Variants in TMEM94 observed in about 807,000 individuals in gnomAD.
TMEM94 encodes ER Mg2+ ATPase.
Under a neutral mutation model 158.6 loss-of-function variants are expected in TMEM94, and 81 were observed. The ratio of observed to expected loss-of-function variants is 0.51; its 90% CI spans 0.43 to 0.61. The LOEUF is 0.61. Among genes scored for constraint, TMEM94 ranks in the 20% least tolerant of loss-of-function variants. The pLI, the probability that TMEM94 is intolerant of heterozygous loss-of-function variation, is 0.00. For synonymous variants in TMEM94, 751 were observed against 730.7 expected (o/e 1.03, Z -0.45); for missense variants, 1,435 against 1,762.0 (o/e 0.81, Z 3.32).
chr17:75,491,001 A>G lies in TMEM94; in HGVS notation c.1129-48A>G. The G allele has an allele frequency of 2.1e-6, 3 of 1,452,828 alleles. No homozygotes were observed. Among genetic ancestry groups the G allele is most frequent in the Non-Finnish European group, 2.8e-6 (3 of 1,055,682 alleles). 90.0% of individuals were successfully genotyped at this position (1,452,828 alleles called of 1,614,324 possible). A position where few individuals can be genotyped will look rare whatever the true frequency, so the allele number is the denominator to read the frequency against. On this transcript the variant is annotated intron_variant, in intron 11 of 31. Coordinates refer to ENST00000314256, the MANE Select transcript of TMEM94 (RefSeq NM_014738.6). The surrounding 1 kb of genome is among the most constrained non-coding windows in gnomAD (Gnocchi z 5.1). ...TCCCCTAGAGGCCGTCTCCAGGGAAATGAGGCTGAGCCCTAAATGGCCTTG... is the reference window on the plus strand; with the variant it reads ...TCCCCTAGAGGCCGTCTCCAGGGAAGTGAGGCTGAGCCCTAAATGGCCTTG...
intron 2 of TMEM94, among the ~76,000 whole-genome samples, chr17:75,472,870 G>A (rs2050550027): frequency 6.6e-6 from 1 of 152,094 alleles, no homozygotes; most frequent in South Asian, 2.1e-4. Flanking sequence ...CTTCCTTCAA[G>A]ACCTAGTTTT....
intron 10 of TMEM94, 135 bp downstream of exon 10, chr17:75,490,485 TC>T (rs2052067079): frequency 2.9e-6 from 3 of 1,037,272 alleles, no homozygotes; most frequent in African/African-American, 1.6e-5. Context: ...TCTCCAGGCC[TC>T]GGGCCCTCTC....
At chr17:75,496,117 C>A in intron 23 of TMEM94, 43 bp downstream of exon 23, 2 of 1,550,894 alleles carry the variant, frequency 1.3e-6, no homozygotes, top group East Asian at 2.3e-5. Flanking sequence ...CCTCTACCTC[C>A]CAGACCGGAG....
Position 75,485,569 on chromosome 17 carries a change from A to C in TMEM94, c.144+22A>C, listed in dbSNP as rs200093244. 8 of 1,614,014 alleles carry C rather than the reference A, an allele frequency of 5.0e-6. No homozygotes were observed. In the Admixed American group the frequency reaches 1.0e-4, roughly 20 times the overall value. On this transcript the variant is annotated intron_variant, in intron 3 of 31. Coordinates refer to ENST00000314256, the MANE Select transcript of TMEM94 (RefSeq NM_014738.6). The surrounding 1 kb of genome is among the most constrained non-coding windows in gnomAD (Gnocchi z 5.5). ...GAAGGTGAAGCTTCTTCTCGGGGCT[A>C]CCAGGGCCTGGCTGGGATGGCAGGG...
chr17:75,498,746 C>T lies in TMEM94; in HGVS notation c.3827+24C>T, dbSNP rs551886233. The stretch of plus-strand genomic sequence containing the variant: ...GTGTGAGTATTGCTAGGATGGAGGG[C>T]GGAGTGTGGGCTGGGGAGGAGAGGG... On this transcript the variant is annotated intron_variant, in intron 30 of 31. Transcript: ENST00000314256. This position sits in a 1 kb window ranked among gnomAD's most constrained non-coding sequence, Gnocchi z 6.7. 1.0e-5 allele frequency: 16 copies of T among 1,538,976 alleles called. No homozygotes were observed. Among genetic ancestry groups the T allele is most frequent in the Middle Eastern group, 1.8e-4 (1 of 5,674 alleles).
rs778083959 is a variant in TMEM94, at chr17:75,488,042, C to T, written c.520C>T (p.Leu174=). Residue 174 remains leucine, a synonymous_variant, in exon 6 of 32, where the codon CTG becomes TTG. Transcript: ENST00000314256. ...SLHWAYRDGH[L]VNLPVSLLVE... is the part of the protein sequence containing the mutation. ...GCACTGGGCCTACAGAGACGGACAC[C>T]TGGTCAACCTGCCAGTCAGCCTGCT... 2.5e-6 allele frequency: 4 copies of T among 1,614,208 alleles called. No homozygotes were observed. In the South Asian group the frequency reaches 3.3e-5, roughly 13 times the overall value.
At position 75,494,777 on chromosome 17, in the gene TMEM94, AC is replaced by A; in HGVS notation, c.2559del (p.Phe854SerfsTer54). 1 of 1,613,570 alleles carries A rather than the reference AC, an allele frequency of 6.2e-7. No individual in the cohort carries two copies. The highest frequency in any genetic ancestry group is 8.5e-7 in the Non-Finnish European group (1 of 1,180,024). On this transcript the variant is annotated frameshift_variant, in exon 19 of 32. Transcript: ENST00000314256. LOFTEE classifies it high-confidence loss of function. The part of the protein sequence containing the change: ...GLVNACIRFV[Y>X]FSLEDELKSK... The stretch of plus-strand genomic sequence containing the variant: ...GTCAACGCCTGCATCCGCTTTGTCT[AC>A]TTCTCTTTGGAGGATGAGCTCAAAA...
chr17:75,492,740 G>A lies in TMEM94; in HGVS notation c.1863G>A (p.Val621=). The change falls in exon 15 of 32, where the codon GTG becomes GTA. Residue 621 remains valine (V), a synonymous_variant. Coordinates refer to ENST00000314256, the MANE Select transcript of TMEM94 (RefSeq NM_014738.6). This position sits in a 1 kb window ranked among gnomAD's most constrained non-coding sequence, Gnocchi z 4.4. ...CCCTGCAAGAGAGCCACAGCGCCGT[G>A]CTGCCCGTCCATGTGCCCTGGGGCC... ...NIALQESHSA[V]LPVHVPWGLC... is the part of the protein sequence containing the mutation. The A allele has an allele frequency of 6.2e-7, 1 of 1,609,856 alleles. No individual in the cohort carries two copies. Among genetic ancestry groups the A allele is most frequent in the Non-Finnish European group, 8.5e-7 (1 of 1,179,982 alleles).
In TMEM94 at chr17:75,493,903, C is replaced by T. The variant is rs763920855; in HGVS notation, c.2394C>T (p.Ser798=). The part of the protein sequence containing the change: ...IPIKQNARRS[S]WSSDEGIGEV... ...TCAAGCAGAACGCCCGCCGCAGCAGCTGGAGCTCTGACGGTACCTCATGGG... is the reference window on the plus strand; with the variant it reads ...TCAAGCAGAACGCCCGCCGCAGCAGTTGGAGCTCTGACGGTACCTCATGGG... The change falls in exon 18 of 32, where the codon AGC becomes AGT. Residue 798 remains serine, a synonymous_variant. Transcript: ENST00000314256. 3.1e-6 allele frequency: 5 copies of T among 1,611,730 alleles called. No homozygotes were observed. The East Asian group carries it at 8.9e-5, about 29-fold the overall frequency.
chr17:75,479,780 G>A (rs1047431366), intron 2 of TMEM94, among the ~76,000 whole-genome samples: 1 of 152,294 alleles, frequency 6.6e-6, no homozygotes, highest in Non-Finnish European at 1.5e-5. Flanking sequence ...TTAGCTGGGT[G>A]TCGTGGCATC....
In TMEM94 at chr17:75,494,071, A is replaced by G. The variant is rs370144131; in HGVS notation, c.2407+155A>G. ...GGCTGGGACGCCAGTGTGGCACTCT[A>G]TCCGGGGACATGGGGAGTCCCTTAG... On this transcript the variant is annotated intron_variant, in intron 18 of 31. Coordinates refer to ENST00000314256, the MANE Select transcript of TMEM94 (RefSeq NM_014738.6). Among the ~76,000 whole-genome samples the G allele has an allele frequency of 9.2e-5, 14 of 152,322 alleles. 1 individual carries two copies. The East Asian group carries it at 1.4e-3, about 15-fold the overall frequency.
At position 75,498,094 on chromosome 17, in the gene TMEM94, G is replaced by C; in HGVS notation, c.3490-81G>C. On this transcript the variant is annotated intron_variant, in intron 27 of 31. Transcript: ENST00000314256. This position sits in a 1 kb window ranked among gnomAD's most constrained non-coding sequence, Gnocchi z 6.7. Reference sequence around the variant, plus strand: ...CCCCAGGCCTGACCATTTACTAAGAGCCCGTTGAATACGTGGAAGAGCTAG... The same window carrying C: ...CCCCAGGCCTGACCATTTACTAAGACCCCGTTGAATACGTGGAAGAGCTAG... 1 of 1,569,228 alleles carries C rather than the reference G, an allele frequency of 6.4e-7. No individual in the cohort carries two copies. Among genetic ancestry groups the C allele is most frequent in the Non-Finnish European group, 8.7e-7 (1 of 1,149,998 alleles).
At chr17:75,494,349 G>A (rs1032636504) in intron 18 of TMEM94, among the ~76,000 whole-genome samples, 4 of 152,212 alleles carry the variant, frequency 2.6e-5, no homozygotes, top group Admixed American at 1.3e-4. Flanking sequence ...CCAAGAGACT[G>A]TGAATTGAAA....
At chr17:75,494,492 C>T in intron 18 of TMEM94, 135 bp from the exon 19 acceptor site, 1 of 784,480 alleles carries the variant, frequency 1.3e-6, no homozygotes, top group African/African-American at 1.7e-5. Context: ...CTGTCGGCTC[C>T]TTCGTGTGTC....
chr17:75,459,869 T>C (rs886429872), intron 1 of TMEM94: 1 of 152,154 alleles, frequency 6.6e-6, no homozygotes, highest in Non-Finnish European at 1.5e-5. Flanking sequence ...TTTAAAAATA[T>C]TGTTTAAAGC....
rs1214430938 is a variant in TMEM94 at position 75,498,690 on chromosome 17, C to A, written c.3795C>A (p.Thr1265=). The A allele has an allele frequency of 6.3e-7, 1 of 1,585,568 alleles. No individual in the cohort carries two copies. The change falls in exon 30 of 32, where the codon ACC becomes ACA. Residue 1265 remains threonine, a synonymous_variant. Transcript: ENST00000314256. This position sits in a 1 kb window ranked among gnomAD's most constrained non-coding sequence, Gnocchi z 6.7. ...TKPLWRKSPL[T]NLWWAVTVPV... ...CCCTGTGGAGAAAGAGCCCCTTGAC[C>A]AACCTCTGGTGGGCCGTGACAGTGC...
rs140760285 is a variant in TMEM94 at position 75,493,813 on chromosome 17, G to T, written c.2304G>T (p.Glu768Asp). 1.9e-6 allele frequency: 3 copies of T among 1,613,918 alleles called. No homozygotes were observed. The highest frequency in any genetic ancestry group is 2.5e-6 in the Non-Finnish European group (3 of 1,180,032). ...LSSQLNGKCI[E>D]LVQVPGQSSI... Reference sequence around the variant, plus strand: ...CTCAGCTCAATGGCAAGTGCATCGAGCTGGTACAGGTGCCCGGCCAAAGCA... The same window carrying T: ...CTCAGCTCAATGGCAAGTGCATCGATCTGGTACAGGTGCCCGGCCAAAGCA... The change falls in exon 18 of 32, where the codon GAG (glutamate) becomes GAT (aspartate). Residue 768 changes from glutamate to aspartate, a missense_variant. Glu to Asp is a conservative substitution (Grantham distance 45). This residue lies in a region of TMEM94 where 1,051 missense variants were observed against 1,254.4 expected (regional missense o/e 0.84). Coordinates refer to ENST00000314256, the MANE Select transcript of TMEM94 (RefSeq NM_014738.6).
In TMEM94 at chr17:75,479,763, C is replaced by CA. The variant is rs200507461; in HGVS notation, c.25-5659dup. 2.9e-4 allele frequency among the ~76,000 whole-genome samples: 44 copies of CA among 152,194 alleles called. No individual in the cohort carries two copies. In the East Asian group the frequency reaches 8.0e-3, roughly 28 times the overall value. On this transcript the variant is annotated intron_variant, in intron 2 of 31. Coordinates refer to ENST00000314256, the MANE Select transcript of TMEM94 (RefSeq NM_014738.6). ...CGAAACCCTGTCTCTACTAAAAATA[C>CA]AAAAAATTAGCTGGGTGTCGTGGCA...
rs1387123536 is a variant in TMEM94, at chr17:75,492,409, C to G, written c.1597-65C>G. Reference sequence around the variant, plus strand: ...GCCCTCCCCAGCCTTGGGAGGTGGGCAGAGCCAGTGCTGGCTTCCCCACAC... The same window carrying G: ...GCCCTCCCCAGCCTTGGGAGGTGGGGAGAGCCAGTGCTGGCTTCCCCACAC... On this transcript the variant is annotated intron_variant, in intron 14 of 31. Coordinates refer to ENST00000314256, the MANE Select transcript of TMEM94 (RefSeq NM_014738.6). This position sits in a 1 kb window ranked among gnomAD's most constrained non-coding sequence, Gnocchi z 4.4. The G allele has an allele frequency of 6.6e-7, 1 of 1,511,076 alleles. No individual in the cohort carries two copies. Among genetic ancestry groups the G allele is most frequent in the Non-Finnish European group, 8.9e-7 (1 of 1,127,254 alleles). The allele number at this position is 1,511,076 out of a possible 1,614,324, so 93.6% of individuals were successfully genotyped here. A position where few individuals can be genotyped will look rare whatever the true frequency, so the allele number is the denominator to read the frequency against.
Sources: gnomAD v4.1 joint callset for allele counts (sites outside exome capture counted in the v4.1 genomes callset) on GRCh38, gnomAD v4.1.1 for gene constraint, gnomAD v4.1.1 regional missense constraint, Gnocchi (gnomAD v3.1) non-coding constraint, MANE v1.5 for transcripts, NCBI Gene and HGNC (gene_info 2026-07-23, HGNC 2026-07-21) for gene names.